The following CUL2 variants were observed in gnomAD, a reference collection of about 807,000 sequenced individuals.
The protein encoded by CUL2 is cullin 2, also known as cullin-2.
A neutral mutation model predicts 110.2 loss-of-function variants in CUL2; 22 were observed. The ratio of observed to expected loss-of-function variants is 0.20; its 90% CI spans 0.14 to 0.28. CUL2 has a LOEUF of 0.28. Among genes scored for constraint, CUL2 ranks in the 10% least tolerant of loss-of-function variants. CUL2 has a pLI of 1.00. For synonymous variants in CUL2, 279 were observed against 293.2 expected (o/e 0.95, Z 0.49); for missense variants, 631 against 905.5 (o/e 0.70, Z 3.89).
intron 1 of CUL2, among the ~76,000 whole-genome samples, chr10:35,110,495 G>A (rs1467275304): frequency 1.3e-5 from 2 of 152,148 alleles, no homozygotes; most frequent in Non-Finnish European, 2.9e-5. Flanking sequence ...TACCTGGGAG[G>A]TGGAGGTTGC....
chr10:35,063,692 C>A (rs1014039241), intron 2 of CUL2, among the ~76,000 whole-genome samples: 1 of 151,332 alleles, frequency 6.6e-6, no homozygotes, highest in Admixed American at 6.6e-5. Flanking sequence ...TGAGACTTTA[C>A]CTTTCACTAG....
At chr10:35,110,468 G>A (rs2087511795) in intron 1 of CUL2, among the ~76,000 whole-genome samples, 1 of 152,192 alleles carries the variant, frequency 6.6e-6, no homozygotes, top group South Asian at 2.1e-4. Context: ...TGGAGTCTGA[G>A]ATGGGAGAAT....
At chr10:35,033,345 G>T in intron 10 of CUL2, 72 bp from the exon 11 acceptor site, 2 of 998,088 alleles carry the variant, frequency 2.0e-6, no homozygotes, top group South Asian at 1.4e-5. Context: ...AGGTTTATTA[G>T]ACTTATTAGT....
chr10:35,066,919 C>T (rs758877564), intron 2 of CUL2, among the ~76,000 whole-genome samples: 81 of 152,132 alleles, frequency 5.3e-4, no homozygotes, highest in Admixed American at 1.6e-3. Context: ...GTCAAGGATA[C>T]AGGTACTTGC....
intron 6 of CUL2, among the ~76,000 whole-genome samples, chr10:35,045,555 A>AC (rs1225753401): frequency 2.7e-5 from 4 of 150,814 alleles, no homozygotes; most frequent in Non-Finnish European, 5.9e-5. Flanking sequence ...CAAAAAAAAA[A>AC]AAAAAACAAC....
At chr10:35,060,286 A>G (rs574105944) in intron 4 of CUL2, among the ~76,000 whole-genome samples, 1 of 152,148 alleles carries the variant, frequency 6.6e-6, no homozygotes, top group African/African-American at 2.4e-5. Context: ...AAAAAAGGAC[A>G]AAATAAAAGA....
At chr10:35,080,117 G>T (rs962834276) in intron 1 of CUL2, among the ~76,000 whole-genome samples, 2 of 152,152 alleles carry the variant, frequency 1.3e-5, no homozygotes, top group Non-Finnish European at 2.9e-5. Flanking sequence ...TGTGAATAAG[G>T]GAGGCAGGGA....
chr10:35,116,825 C>T (rs1260609273), intron 1 of CUL2, among the ~76,000 whole-genome samples: 5 of 151,980 alleles, frequency 3.3e-5, no homozygotes, highest in African/African-American at 7.2e-5. Context: ...GGCGTGGTGG[C>T]GCACGCCTGT....
intron 1 of CUL2, among the ~76,000 whole-genome samples, chr10:35,085,696 C>CAAAAA (rs1263412257): frequency 1.8e-5 from 1 of 55,776 alleles, no homozygotes; most frequent in Non-Finnish European, 4.0e-5. Context: ...GACTCTGTCT[C>CAAAAA]AAAAAAAAAA....
chr10:35,037,657 A>G (rs1432313798), intron 9 of CUL2, among the ~76,000 whole-genome samples: 1 of 152,048 alleles, frequency 6.6e-6, no homozygotes, highest in African/African-American at 2.4e-5. Context: ...CAGCCGGCCA[A>G]CATAGTGAAA....
chr10:35,106,799 G>A (rs1382767241), intron 1 of CUL2, among the ~76,000 whole-genome samples: 1 of 151,858 alleles, frequency 6.6e-6, no homozygotes, highest in African/African-American at 2.4e-5. Flanking sequence ...ATCTGAAAAA[G>A]GATTACAGGT....
At chr10:35,116,713 T>A (rs2087608123) in intron 1 of CUL2, among the ~76,000 whole-genome samples, 2 of 152,194 alleles carry the variant, frequency 1.3e-5, no homozygotes, top group Non-Finnish European at 2.9e-5. Context: ...AAGCCTGTAA[T>A]CCCAGCATTT....
rs1220735117 is a variant in CUL2 at position 35,010,349 on chromosome 10, T to C, written c.2200A>G (p.Ser734Gly). Residue 734 changes from serine (S) to glycine (G), a missense_variant, in exon 21 of 21, where the codon AGC (serine) becomes GGC (glycine). By Grantham distance (56) the Ser-to-Gly change is moderately conservative. This residue lies in a region of CUL2 where 159 missense variants were observed against 202.7 expected (regional missense o/e 0.78). Coordinates refer to ENST00000374749, the MANE Select transcript of CUL2 (RefSeq NM_003591.4). ...VLIDKQYIER[S>G]QASADEYSYV... ...CTGTATTCATCTGCCGACGCCTGGCTGCGTTCTATGTATTGTTTGTCTATC... is the reference window on the plus strand; with the variant it reads ...CTGTATTCATCTGCCGACGCCTGGCCGCGTTCTATGTATTGTTTGTCTATC... The C allele has an allele frequency of 1.2e-6, 2 of 1,610,364 alleles. No homozygotes were observed. The highest frequency in any genetic ancestry group is 4.5e-5 in the East Asian group (2 of 44,566).
intron 2 of CUL2, chr10:35,099,388 TAA>T (rs754369641): frequency 1.1e-3 from 119 of 110,422 alleles, no homozygotes; most frequent in African/African-American, 2.7e-3. Context: ...AGACTCCGTC[TAA>T]AAAAAAAAAA....
chr10:35,041,147 C>T (rs1336643246), intron 8 of CUL2, among the ~76,000 whole-genome samples: 1 of 152,198 alleles, frequency 6.6e-6, no homozygotes. Flanking sequence ...CCTTTAAGGG[C>T]TATTTTTATA....
At chr10:35,029,364 A>C in intron 15 of CUL2, 124 bp downstream of exon 15, 1 of 676,788 alleles carries the variant, frequency 1.5e-6, no homozygotes, top group Non-Finnish European at 2.3e-6. Context: ...GCCCAAATCA[A>C]TAGGACTTTA....
chr10:35,054,548 T>C lies in CUL2; in HGVS notation c.318-9A>G. On this transcript the variant is annotated splice_polypyrimidine_tract_variant and intron_variant, in intron 4 of 20. Transcript: ENST00000374749. The stretch of plus-strand genomic sequence containing the variant: ...ACTGGGTGTTGAGATACCTGGAAAA[T>C]AAATGTAATATCAATGGATATTAAG... 1 of 1,428,742 alleles carries C rather than the reference T, an allele frequency of 7.0e-7. No homozygotes were observed. The highest frequency in any genetic ancestry group is 9.7e-7 in the Non-Finnish European group (1 of 1,028,144). 88.5% of individuals were successfully genotyped at this position (1,428,742 alleles called of 1,614,324 possible).
upstream of CUL2, among the ~76,000 whole-genome samples, chr10:35,094,424 G>A (rs1028188602): frequency 2.0e-5 from 3 of 152,162 alleles, no homozygotes; most frequent in Non-Finnish European, 2.9e-5. Flanking sequence ...TAGTAGAGAT[G>A]GGGTTTCACC....
rs746714817 is a variant in CUL2 at position 35,035,172 on chromosome 10, G to T, written c.1002C>A (p.Asn334Lys). 3.7e-6 allele frequency: 6 copies of T among 1,614,128 alleles called. No individual in the cohort carries two copies. Among genetic ancestry groups the T allele is most frequent in the Non-Finnish European group, 4.2e-6 (5 of 1,180,004 alleles). ...CATTGCAGTTTCCCACACAACTCAC[G>T]TTTTCCTGAGTAAGGTTGCTGGTTG... ...LRATSNLTQE[N>K]MPTLFVESVL... Residue 334 changes from asparagine (N) to lysine (K), a missense_variant and splice_region_variant, in exon 10 of 21, where the codon AAC (asparagine) becomes AAA (lysine). This residue lies in a region of CUL2 where 338 missense variants were observed against 442.5 expected (regional missense o/e 0.76). Coordinates refer to ENST00000374749, the MANE Select transcript of CUL2 (RefSeq NM_003591.4).
Sources: allele counts gnomAD v4.1 joint callset (sites outside exome capture counted in the v4.1 genomes callset), GRCh38; gene constraint gnomAD v4.1.1; regional missense constraint gnomAD v4.1.1; transcripts MANE v1.5; gene names NCBI Gene and HGNC (gene_info 2026-07-23, HGNC 2026-07-21).